Variants in GALNT13 observed in about 807,000 individuals in gnomAD.
The protein encoded by GALNT13 is UDP-GalNAc:polypeptide N-acetylgalactosaminyltransferase 13.
Under a neutral mutation model 64.2 loss-of-function variants are expected in GALNT13, and 28 were observed. That is an observed-to-expected ratio of 0.44 (90% CI 0.32 to 0.60). The LOEUF (loss-of-function observed/expected upper bound fraction) is 0.60, where lower values mean the gene tolerates loss of function less well. GALNT13 is among the 20% of genes least tolerant of loss of function. The pLI, the probability that GALNT13 is intolerant of heterozygous loss-of-function variation, is 0.05. For missense variants in GALNT13, 577 were observed against 669.8 expected (o/e 0.86, Z 1.53); for synonymous variants, 214 against 224.6 (o/e 0.95, Z 0.42).
At chr2:154,140,713 T>C (rs1683212617) in intron 4 of GALNT13, among the ~76,000 whole-genome samples, 1 of 152,122 alleles carries the variant, frequency 6.6e-6, no homozygotes, top group Non-Finnish European at 1.5e-5. Flanking sequence ...CTTGCAAAGA[T>C]GCTGCAAAAT....
the GALNT13 span, among the ~76,000 whole-genome samples, chr2:153,068,527 C>T: frequency 6.6e-6 from 1 of 152,124 alleles, no homozygotes; most frequent in Admixed American, 6.6e-5. Context: ...TGAACTCATA[C>T]CATTTTGACC....
chr2:153,727,422 T>C, the GALNT13 span, among the ~76,000 whole-genome samples: 1 of 152,244 alleles, frequency 6.6e-6, no homozygotes, highest in Non-Finnish European at 1.5e-5. Context: ...TATTCTTTTC[T>C]ATAATAAATA....
At chr2:153,561,641 CTG>C in the GALNT13 span, among the ~76,000 whole-genome samples, 41,061 of 146,116 alleles carry the variant, frequency 0.28, 5,699 homozygotes, top group East Asian at 0.32. Context: ...GATGTTCAAC[CTG>C]TGTGTGTGTG....
chr2:154,155,887 C>T (rs1282931481), intron 4 of GALNT13, among the ~76,000 whole-genome samples: 2 of 150,240 alleles, frequency 1.3e-5, no homozygotes, highest in Non-Finnish European at 2.9e-5. Flanking sequence ...ATAAATGGAG[C>T]ATATTAATGG....
the GALNT13 span, among the ~76,000 whole-genome samples, chr2:153,427,873 G>A: frequency 2.0e-5 from 3 of 151,924 alleles, no homozygotes; most frequent in African/African-American, 2.4e-5. Context: ...ATTATTTTAG[G>A]AAGACAGGAA....
chr2:153,165,771 C>T, the GALNT13 span, among the ~76,000 whole-genome samples: 3 of 152,034 alleles, frequency 2.0e-5, no homozygotes, highest in Admixed American at 1.3e-4. Context: ...ATAAAATAGG[C>T]CTTAGGATGT....
chr2:153,624,297 C>T, the GALNT13 span, among the ~76,000 whole-genome samples: 2 of 152,070 alleles, frequency 1.3e-5, no homozygotes, highest in East Asian at 3.9e-4. Context: ...TCTTAAACTG[C>T]ATTATTGGGC....
chr2:153,730,740 T>G, the GALNT13 span, among the ~76,000 whole-genome samples: 1 of 151,564 alleles, frequency 6.6e-6, no homozygotes. Context: ...GCAAAAAACA[T>G]AAACACACAT....
chr2:154,034,431 CTATT>C (rs1698533460), intron 3 of GALNT13, among the ~76,000 whole-genome samples: 3 of 152,098 alleles, frequency 2.0e-5, no homozygotes, highest in Admixed American at 2.0e-4. Context: ...ACTTGGCTTT[CTATT>C]TATTATTATT....
chr2:153,319,665 C>T, the GALNT13 span, among the ~76,000 whole-genome samples: 1 of 151,940 alleles, frequency 6.6e-6, no homozygotes, highest in Admixed American at 6.6e-5. Context: ...ATATTTGAGC[C>T]CCAGGAAGAT....
chr2:153,792,453 G>C, the GALNT13 span, among the ~76,000 whole-genome samples: 1 of 152,126 alleles, frequency 6.6e-6, no homozygotes, highest in Admixed American at 6.6e-5. Flanking sequence ...AGGAACTTGA[G>C]CATTTATAGA....
intron 9 of GALNT13, among the ~76,000 whole-genome samples, chr2:154,349,352 G>A (rs1299639606): frequency 6.6e-6 from 1 of 152,190 alleles, no homozygotes; most frequent in African/African-American, 2.4e-5. Context: ...GATCATCTAA[G>A]TACCACCTAA....
intron 2 of GALNT13, among the ~76,000 whole-genome samples, chr2:153,939,453 A>T (rs992631364): frequency 6.6e-6 from 1 of 152,198 alleles, no homozygotes; most frequent in Non-Finnish European, 1.5e-5. Context: ...TCAGGGAATC[A>T]TATGATACCT....
At chr2:154,062,472 A>T (rs994661207) in intron 3 of GALNT13, among the ~76,000 whole-genome samples, 1 of 152,218 alleles carries the variant, frequency 6.6e-6, no homozygotes, top group Non-Finnish European at 1.5e-5. Context: ...ATTGACTCAC[A>T]GTTCTGCAGC....
the GALNT13 span, among the ~76,000 whole-genome samples, chr2:153,096,111 C>A: frequency 6.6e-6 from 1 of 152,032 alleles, no homozygotes; most frequent in Admixed American, 6.5e-5. Flanking sequence ...TTCTTAATTT[C>A]TTCATTGACC....
At chr2:153,357,450 T>A in the GALNT13 span, 1 of 152,234 alleles carries the variant, frequency 6.6e-6, no homozygotes, top group Non-Finnish European at 1.5e-5. Flanking sequence ...TTTTTTGATT[T>A]TCCAAAATTG....
chr2:154,127,711 T>C (rs72871848), intron 3 of GALNT13, among the ~76,000 whole-genome samples: 103,236 of 146,160 alleles, frequency 0.71, 36,669 homozygotes, highest in East Asian at 0.95. Flanking sequence ...CACACACACG[T>C]GTGTGTGTGT....
intron 9 of GALNT13, among the ~76,000 whole-genome samples, chr2:154,305,377 A>ACATG (rs35748547): frequency 0.064 from 9,752 of 152,080 alleles, 323 homozygotes; most frequent in Middle Eastern, 0.15. Flanking sequence ...ACTATAATAC[A>ACATG]CATGCACACA....
intron 1 of GALNT13, among the ~76,000 whole-genome samples, chr2:153,899,936 T>TATATA (rs1491469218): frequency 4.6e-5 from 2 of 43,510 alleles, no homozygotes; most frequent in Non-Finnish European, 1.0e-4. Flanking sequence ...TATATATATA[T>TATATA]TTTTTTTTTT....
Sources: gnomAD v4.1 joint callset for allele counts (sites outside exome capture counted in the v4.1 genomes callset) on GRCh38, gnomAD v4.1.1 for gene constraint, MANE v1.5 for transcripts, NCBI Gene and HGNC (gene_info 2026-07-23, HGNC 2026-07-21) for gene names.